FHIT: variants seen among roughly 807,000 people sequenced by gnomAD.
FHIT encodes the protein fragile histidine triad diadenosine triphosphatase.
Under a neutral mutation model 17.9 loss-of-function variants are expected in FHIT, and 19 were observed. The observed-to-expected ratio is 1.06, with a 90% CI of 0.74 to 1.56. The LOEUF is 1.56. FHIT is among the 40% of genes most tolerant of loss of function. The pLI, the probability that FHIT is intolerant of heterozygous loss-of-function variation, is 0.00. For synonymous variants in FHIT, 81 were observed against 69.7 expected (o/e 1.16, Z -0.81); for missense variants, 248 against 189.2 (o/e 1.31, Z -1.82).
chr3:60,256,472 G>A lies in FHIT; in HGVS notation c.104-242320C>T, dbSNP rs375506897. Among the ~76,000 whole-genome samples the A allele has an allele frequency of 1.5e-4, 23 of 152,296 alleles. No individual in the cohort carries two copies. The South Asian group carries it at 3.7e-3, about 25-fold the overall frequency. On this transcript the variant is annotated intron_variant, in intron 5 of 9. Transcript: ENST00000492590. Reference sequence around the variant, plus strand: ...TTTGTTATAGAAGCAGGAACTGACTGAGGCAAAATGTTATCTTGCTTAATT... The same window carrying A: ...TTTGTTATAGAAGCAGGAACTGACTAAGGCAAAATGTTATCTTGCTTAATT...
At chr3:60,292,288 C>G (rs187775179) in intron 5 of FHIT, among the ~76,000 whole-genome samples, 4 of 152,050 alleles carry the variant, frequency 2.6e-5, no homozygotes, top group Non-Finnish European at 5.9e-5. Flanking sequence ...TGAGACGCTT[C>G]GAAATAGTTG....
At chr3:60,286,825 A>G (rs1002101551) in intron 5 of FHIT, among the ~76,000 whole-genome samples, 2 of 152,292 alleles carry the variant, frequency 1.3e-5, no homozygotes, top group East Asian at 3.9e-4. Context: ...TCAATTTACC[A>G]TCCCATGCAC....
At chr3:60,056,455 A>C (rs1702085597) in intron 5 of FHIT, among the ~76,000 whole-genome samples, 1 of 152,240 alleles carries the variant, frequency 6.6e-6, no homozygotes, top group Non-Finnish European at 1.5e-5. Context: ...TAAGTTTTGT[A>C]AGAGAAACTC....
intron 8 of FHIT, among the ~76,000 whole-genome samples, chr3:59,857,948 C>T (rs925708363): frequency 7.9e-5 from 12 of 152,186 alleles, no homozygotes; most frequent in Admixed American, 2.0e-4. Context: ...CCTGCTGGTC[C>T]CCTGACACCA....
At position 60,786,164 on chromosome 3, in the gene FHIT, G is replaced by A. The variant is rs553160565; in HGVS notation, c.-18+35755C>T. ...ACAGCCCTGGGCTGAAGTCCCAGGC[G>A]TCCTTCTTCCTAACAACTTGAACTT... On this transcript the variant is annotated intron_variant, in intron 4 of 9. Transcript: ENST00000492590. 5.3e-5 allele frequency among the ~76,000 whole-genome samples: 8 copies of A among 152,248 alleles called. 1 individual carries two copies. The South Asian group carries it at 6.2e-4, about 12-fold the overall frequency.
chr3:60,311,250 CGT>C (rs10621849), intron 5 of FHIT, among the ~76,000 whole-genome samples: 64,364 of 150,772 alleles, frequency 0.43, 14,565 homozygotes, highest in East Asian at 0.81. Context: ...TCTACCCCAA[CGT>C]GTGTGTGTGT....
intron 8 of FHIT, among the ~76,000 whole-genome samples, chr3:59,856,407 T>C (rs999803962): frequency 6.6e-6 from 1 of 152,212 alleles, no homozygotes; most frequent in Non-Finnish European, 1.5e-5. Context: ...TCCAATTTTA[T>C]GCAAACTCTT....
At chr3:60,220,708 T>C (rs773710502) in intron 5 of FHIT, among the ~76,000 whole-genome samples, 6 of 152,140 alleles carry the variant, frequency 3.9e-5, no homozygotes, top group Admixed American at 2.6e-4. Context: ...CCTGCTCAAA[T>C]TCATGCATGG....
chr3:60,485,700 AG>A (rs1274037704), intron 5 of FHIT, among the ~76,000 whole-genome samples: 1 of 152,112 alleles, frequency 6.6e-6, no homozygotes, highest in Non-Finnish European at 1.5e-5. Flanking sequence ...CAATAGGTGC[AG>A]CAAACCACCA....
chr3:60,744,294 A>G (rs2042312760), intron 4 of FHIT, among the ~76,000 whole-genome samples: 1 of 151,016 alleles, frequency 6.6e-6, no homozygotes, highest in African/African-American at 2.4e-5. Flanking sequence ...CAGAAAGAAA[A>G]GAAAAGAAAA....
chr3:59,873,305 G>C (rs1257848211), intron 8 of FHIT, among the ~76,000 whole-genome samples: 1 of 152,196 alleles, frequency 6.6e-6, no homozygotes, highest in Non-Finnish European at 1.5e-5. Context: ...TGGATGGATG[G>C]ATGGGTAGAT....
chr3:60,489,035 G>T (rs2033957506), intron 5 of FHIT, among the ~76,000 whole-genome samples: 1 of 152,152 alleles, frequency 6.6e-6, no homozygotes, highest in Non-Finnish European at 1.5e-5. Context: ...GATGTCCAAT[G>T]AGTTGGGATT....
At chr3:61,194,361 C>T (rs2038797249) in intron 2 of FHIT, among the ~76,000 whole-genome samples, 1 of 152,000 alleles carries the variant, frequency 6.6e-6, no homozygotes, top group African/African-American at 2.4e-5. Context: ...AATGTATTTC[C>T]TTCAGTTCAA....
At chr3:60,216,862 A>G (rs561669755) in intron 5 of FHIT, among the ~76,000 whole-genome samples, 14 of 151,510 alleles carry the variant, frequency 9.2e-5, no homozygotes, top group Non-Finnish European at 1.9e-4. Context: ...AGTATCCTCT[A>G]CTCCCTTCCC....
At chr3:61,118,700 A>G (rs2036371313) in intron 2 of FHIT, among the ~76,000 whole-genome samples, 1 of 152,172 alleles carries the variant, frequency 6.6e-6, no homozygotes, top group South Asian at 2.1e-4. Flanking sequence ...CAGTTCCCTT[A>G]TTTGTGAAAT....
intron 8 of FHIT, among the ~76,000 whole-genome samples, chr3:59,906,075 G>A (rs888268121): frequency 1.3e-5 from 2 of 152,116 alleles, no homozygotes; most frequent in African/African-American, 4.8e-5. Flanking sequence ...CCTGTCTAAT[G>A]GATCTTTCCT....
intron 5 of FHIT, among the ~76,000 whole-genome samples, chr3:60,251,208 G>C (rs1196959634): frequency 6.6e-6 from 1 of 152,140 alleles, no homozygotes; most frequent in African/African-American, 2.4e-5. Context: ...AACAGCCAGA[G>C]GCTTTTAAGT....
chr3:60,548,144 CGAGAGAGAGAGA>C (rs869140510), intron 4 of FHIT, among the ~76,000 whole-genome samples: 1 of 1,504 alleles, frequency 6.6e-4, no homozygotes, highest in Non-Finnish European at 1.4e-3. Context: ...AGAGAGAGAG[CGAGAGAGAGAGA>C]GAGAGAGAGA....
At chr3:60,917,622 T>C (rs11130796) in intron 3 of FHIT, among the ~76,000 whole-genome samples, 146,999 of 152,320 alleles carry the variant, frequency 0.97, 71,154 homozygotes, top group East Asian at 1. Flanking sequence ...AGCTAAAAGG[T>C]TAGACCCCCA....
Sources: gnomAD v4.1 joint callset for allele counts (sites outside exome capture counted in the v4.1 genomes callset) on GRCh38, gnomAD v4.1.1 for gene constraint, MANE v1.5 for transcripts, NCBI Gene and HGNC (gene_info 2026-07-23, HGNC 2026-07-21) for gene names.